The following FOXO1 variants were observed in gnomAD, a reference collection of about 807,000 sequenced individuals.
FOXO1 encodes the protein forkhead box O1, also known as forkhead box protein O1.
In FOXO1, 6 loss-of-function variants were observed where a neutral mutation model predicts 44.1. The observed-to-expected ratio is 0.14, with a 90% CI of 0.07 to 0.27. The LOEUF (loss-of-function observed/expected upper bound fraction) is 0.27, where lower values mean the gene tolerates loss of function less well. Ranked by LOEUF, FOXO1 falls within the 10% of genes least tolerant of loss-of-function variation. The probability of loss-of-function intolerance (pLI) is 1.00; values close to 1 mark genes in which losing one functional copy is unlikely to be tolerated. For missense variants in FOXO1, 737 were observed against 888.8 expected, an observed-to-expected ratio of 0.83 and a Z score of 2.17; for synonymous variants, 380 against 362.7, an observed-to-expected ratio of 1.05 and a Z score of -0.54.
rs551001464 is a variant in FOXO1 at position 40,661,911 on chromosome 13, C to T, written c.630+3672G>A. On this transcript the variant is annotated intron_variant, in intron 1 of 2. Coordinates refer to ENST00000379561, the MANE Select transcript of FOXO1 (RefSeq NM_002015.4). ...CTTTGGGGCCAGGCACGGTGGCTTA[C>T]GCATGTAATCTCTGCACTTTAGGAG... 1.8e-4 allele frequency among the ~76,000 whole-genome samples: 28 copies of T among 152,112 alleles called. No homozygotes were observed. The South Asian group carries it at 2.1e-3, about 11-fold the overall frequency.
chr13:40,622,452 T>C (rs1250233119), intron 1 of FOXO1, among the ~76,000 whole-genome samples: 1 of 152,236 alleles, frequency 6.6e-6, no homozygotes, highest in Non-Finnish European at 1.5e-5. Context: ...GAGATGTTTA[T>C]TTAACCACCA....
chr13:40,558,686 CACAAAT>C lies in FOXO1; in HGVS notation c.*357_*362del, dbSNP rs1041119894. ...GATATTTAGAAAAACCAAAAACACA[CACAAAT>C]ACAATCTGTATCTACTGCTTATATA... On this transcript the variant is annotated 3_prime_UTR_variant, in exon 3 of 3. Coordinates refer to ENST00000379561, the MANE Select transcript of FOXO1 (RefSeq NM_002015.4). 2 of 397,078 alleles carry C rather than the reference CACAAAT, an allele frequency of 5.0e-6. No homozygotes were observed. The highest frequency in any genetic ancestry group is 4.1e-5 in the African/African-American group (2 of 48,602). The allele number at this position is 397,078 out of a possible 1,614,324, so 24.6% of individuals were successfully genotyped here. A position where few individuals can be genotyped will look rare whatever the true frequency, so the allele number is the denominator to read the frequency against.
intron 1 of FOXO1, chr13:40,619,382 C>A: frequency 1.4e-6 from 1 of 690,874 alleles, no homozygotes; most frequent in Admixed American, 2.0e-5. Flanking sequence ...TCTCTTCTAG[C>A]ATAGTTGAAC....
intron 1 of FOXO1, among the ~76,000 whole-genome samples, chr13:40,588,721 G>A (rs1393885154): frequency 2.6e-5 from 4 of 152,154 alleles, no homozygotes; most frequent in African/African-American, 9.7e-5. Context: ...AATTCAGAAT[G>A]AGCAACTATG....
At position 40,555,828 on chromosome 13, in the gene FOXO1, G is replaced by T. The variant is rs758906657; in HGVS notation, c.*3221C>A. ...TATAGCAAAGATTGTTCTTGTGTCTGTAAGTACATCAACATCAGGCACTTC... is the reference window on the plus strand; with the variant it reads ...TATAGCAAAGATTGTTCTTGTGTCTTTAAGTACATCAACATCAGGCACTTC... On this transcript the variant is annotated 3_prime_UTR_variant, in exon 3 of 3. Coordinates refer to ENST00000379561, the MANE Select transcript of FOXO1 (RefSeq NM_002015.4). 15 of 152,654 alleles carry T rather than the reference G, an allele frequency of 9.8e-5. No homozygotes were observed. The highest frequency in any genetic ancestry group is 1.5e-4 in the Non-Finnish European group (10 of 68,038). The allele number at this position is 152,654 out of a possible 1,614,324, so 9.5% of individuals were successfully genotyped here. A position where few individuals can be genotyped will look rare whatever the true frequency, so the allele number is the denominator to read the frequency against.
intron 1 of FOXO1, among the ~76,000 whole-genome samples, chr13:40,635,439 G>T (rs918043391): frequency 1.3e-5 from 2 of 152,162 alleles, no homozygotes; most frequent in African/African-American, 4.8e-5. Context: ...TTAATTTCCA[G>T]TTTAATACTG....
intron 1 of FOXO1, among the ~76,000 whole-genome samples, chr13:40,632,796 T>A (rs551299470): frequency 1.5e-3 from 226 of 150,092 alleles, no homozygotes; most frequent in South Asian, 6.3e-3. Context: ...TAAAAAAAAA[T>A]TAGCTGGGCA....
chr13:40,560,921 C>G lies in FOXO1; in HGVS notation c.631-61G>C. The G allele has an allele frequency of 6.8e-7, 1 of 1,480,406 alleles. No individual in the cohort carries two copies. Among genetic ancestry groups the G allele is most frequent in the African/African-American group, 1.4e-5 (1 of 71,256 alleles). The allele number at this position is 1,480,406 out of a possible 1,614,324, so 91.7% of individuals were successfully genotyped here. ...TTCTCTGCTTGCAAAACTTCCTATT[C>G]TACATGTATTACATGGAAAACAAGT... On this transcript the variant is annotated intron_variant, in intron 1 of 2. Transcript: ENST00000379561. This position sits in a 1 kb window ranked among gnomAD's most constrained non-coding sequence, Gnocchi z 5.1.
At chr13:40,599,303 C>T (rs531197972) in intron 1 of FOXO1, among the ~76,000 whole-genome samples, 2 of 151,970 alleles carry the variant, frequency 1.3e-5, no homozygotes, top group East Asian at 1.9e-4. Context: ...AGAATGAGAG[C>T]GACTGCTTCT....
intron 1 of FOXO1, among the ~76,000 whole-genome samples, chr13:40,575,160 T>C (rs1430046475): frequency 3.3e-5 from 5 of 150,988 alleles, no homozygotes; most frequent in Non-Finnish European, 5.9e-5. Flanking sequence ...AATGAGACCA[T>C]CCTGTCTCTA....
intron 1 of FOXO1, among the ~76,000 whole-genome samples, chr13:40,652,031 C>G (rs1342636217): frequency 6.6e-6 from 1 of 152,116 alleles, no homozygotes; most frequent in Non-Finnish European, 1.5e-5. Context: ...ACCTACCCAT[C>G]CAGAGAGAAA....
Position 40,611,205 on chromosome 13 carries a change from A to G in FOXO1, c.631-50345T>C, listed in dbSNP as rs185532383. On this transcript the variant is annotated intron_variant, in intron 1 of 2. Coordinates refer to ENST00000379561, the MANE Select transcript of FOXO1 (RefSeq NM_002015.4). ...CTACCCTGTTACATAAACAAGTTCTATGTGACCTCACGGCTTTTAGATATG... is the reference window on the plus strand; with the variant it reads ...CTACCCTGTTACATAAACAAGTTCTGTGTGACCTCACGGCTTTTAGATATG... The G allele has an allele frequency of 1.3e-5, 4 of 318,316 alleles. No individual in the cohort carries two copies. In the East Asian group the frequency reaches 4.1e-4, roughly 33 times the overall value. 19.7% of individuals were successfully genotyped at this position (318,316 alleles called of 1,614,324 possible).
chr13:40,605,742 T>G (rs1404919597), intron 1 of FOXO1, among the ~76,000 whole-genome samples: 3 of 152,188 alleles, frequency 2.0e-5, no homozygotes, highest in Non-Finnish European at 2.9e-5. Context: ...TCCACCTCTC[T>G]AGTCAGTTGC....
chr13:40,610,366 A>G (rs1433119667), intron 1 of FOXO1, among the ~76,000 whole-genome samples: 2 of 152,328 alleles, frequency 1.3e-5, no homozygotes, highest in Middle Eastern at 3.4e-3. Flanking sequence ...GGGGGTGTTT[A>G]GTGTGTGAGG....
At chr13:40,630,936 G>T (rs540310550) in intron 1 of FOXO1, among the ~76,000 whole-genome samples, 130 of 152,270 alleles carry the variant, frequency 8.5e-4, no homozygotes, top group Non-Finnish European at 1.7e-3. Context: ...CCTCCATACA[G>T]GTGAGGATTT....
At chr13:40,619,630 C>T (rs866914453) in intron 1 of FOXO1, 8 of 1,542,244 alleles carry the variant, frequency 5.2e-6, no homozygotes, top group Middle Eastern at 3.6e-4. Context: ...TGTGGCTAGG[C>T]GAACAAGAAG....
At position 40,665,812 on chromosome 13, in the gene FOXO1, T is replaced by G. The variant is rs1478702232; in HGVS notation, c.401A>C (p.His134Pro). The change falls in exon 1 of 3, where the codon CAC becomes CCC. Residue 134 changes from histidine (H) to proline (P), a missense_variant. His to Pro is a moderately conservative substitution (Grantham distance 77). Coordinates refer to ENST00000379561, the MANE Select transcript of FOXO1 (RefSeq NM_002015.4). ...AGCGGCGGCGGGGGGCACCGGCGGG[T>G]GCTGCGACAGCGGCCCGGGCGGCGG... ...QPPPPGPLSQ[H>P]PPVPPAAAGP... 6.6e-6 allele frequency: 8 copies of G among 1,216,224 alleles called. No homozygotes were observed. The East Asian group carries it at 1.0e-4, about 15-fold the overall frequency. 75.3% of individuals were successfully genotyped at this position (1,216,224 alleles called of 1,614,324 possible).
chr13:40,643,348 A>G (rs1031307806), intron 1 of FOXO1, among the ~76,000 whole-genome samples: 43 of 92,424 alleles, frequency 4.7e-4, no homozygotes, highest in Non-Finnish European at 8.9e-4. Context: ...TCTCAAAAAG[A>G]AAAAAAAAAA....
At chr13:40,609,984 C>T (rs886372065) in intron 1 of FOXO1, among the ~76,000 whole-genome samples, 1 of 152,058 alleles carries the variant, frequency 6.6e-6, no homozygotes, top group African/African-American at 2.4e-5. Context: ...TATGGTGACC[C>T]GCCACTAAAT....
Sources: gnomAD v4.1 joint callset for allele counts (sites outside exome capture counted in the v4.1 genomes callset) on GRCh38, gnomAD v4.1.1 for gene constraint, Gnocchi (gnomAD v3.1) non-coding constraint, MANE v1.5 for transcripts, NCBI Gene and HGNC (gene_info 2026-07-23, HGNC 2026-07-21) for gene names.